The following IQSEC1 variants were observed in gnomAD, a reference collection of about 807,000 sequenced individuals.
IQSEC1 encodes IQ motif and SEC7 domain-containing protein 1.
Under a neutral mutation model 91.0 loss-of-function variants are expected in IQSEC1, and 31 were observed. The ratio of observed to expected loss-of-function variants is 0.34; its 90% CI spans 0.26 to 0.46. The LOEUF (loss-of-function observed/expected upper bound fraction) is 0.46. IQSEC1 is among the 20% of genes least tolerant of loss of function. The pLI is 1.00. For synonymous variants in IQSEC1, 699 were observed against 662.6 expected (o/e 1.05, Z -0.84); for missense variants, 1,388 against 1,575.6 (o/e 0.88, Z 2.02).
chr3:13,128,194 A>G (rs1418215594), intron 2 of IQSEC1, among the ~76,000 whole-genome samples: 1 of 152,204 alleles, frequency 6.6e-6, no homozygotes, highest in Admixed American at 6.5e-5. Context: ...AGAAGTTCCA[A>G]TGATATGTTG....
intron 1 of IQSEC1, among the ~76,000 whole-genome samples, chr3:13,187,917 T>C (rs1447634697): frequency 1.3e-5 from 2 of 152,204 alleles, no homozygotes; most frequent in Non-Finnish European, 2.9e-5. Context: ...CTAATCCTAC[T>C]GAGGTGGTCT....
chr3:13,080,120 C>T (rs895532592), intron 2 of IQSEC1, among the ~76,000 whole-genome samples: 8 of 152,102 alleles, frequency 5.3e-5, no homozygotes, highest in Non-Finnish European at 7.3e-5. Context: ...CTTCATTATG[C>T]GGGTAATGGC....
chr3:12,934,102 G>C (rs1004226176), intron 3 of IQSEC1, among the ~76,000 whole-genome samples: 2 of 152,184 alleles, frequency 1.3e-5, no homozygotes, highest in Non-Finnish European at 2.9e-5. Context: ...TGTCAGGTGG[G>C]CCAGCAGGAT....
At chr3:13,227,893 G>T (rs1694784470) in intron 1 of IQSEC1, among the ~76,000 whole-genome samples, 1 of 152,166 alleles carries the variant, frequency 6.6e-6, no homozygotes, top group Non-Finnish European at 1.5e-5. Context: ...CGGATGCCGA[G>T]GCCTGAGGCT....
chr3:13,111,211 C>G (rs1256540120), intron 2 of IQSEC1, among the ~76,000 whole-genome samples: 3 of 152,232 alleles, frequency 2.0e-5, no homozygotes, highest in Non-Finnish European at 2.9e-5. Context: ...CTCAGCCCAC[C>G]TCCCCAGTGT....
chr3:13,244,113 C>T (rs1695068754), intron 1 of IQSEC1, among the ~76,000 whole-genome samples: 1 of 152,244 alleles, frequency 6.6e-6, no homozygotes, highest in African/African-American at 2.4e-5. Context: ...CCGTCTGACT[C>T]CTGCAATGTC....
intron 1 of IQSEC1, among the ~76,000 whole-genome samples, chr3:13,245,691 C>G (rs893877206): frequency 3.3e-5 from 5 of 151,152 alleles, no homozygotes; most frequent in African/African-American, 1.2e-4. Context: ...CGCTTGAACC[C>G]AGGAGGTGGA....
At chr3:13,237,711 G>A (rs1267793470) in intron 1 of IQSEC1, among the ~76,000 whole-genome samples, 1 of 152,218 alleles carries the variant, frequency 6.6e-6, no homozygotes, top group Non-Finnish European at 1.5e-5. Context: ...TCAGCTCCGC[G>A]GTCGGTTTCC....
At chr3:13,245,205 C>T (rs1201691611) in intron 1 of IQSEC1, among the ~76,000 whole-genome samples, 1 of 152,166 alleles carries the variant, frequency 6.6e-6, no homozygotes, top group Non-Finnish European at 1.5e-5. Flanking sequence ...CTAGCGAAGC[C>T]ATGAAGCCAC....
At chr3:12,954,227 C>T (rs1020801860) in intron 1 of IQSEC1, among the ~76,000 whole-genome samples, 1 of 152,224 alleles carries the variant, frequency 6.6e-6, no homozygotes, top group African/African-American at 2.4e-5. Flanking sequence ...GTGAGACCCT[C>T]TCTCACTCAA....
chr3:12,975,455 C>T (rs1048237223), intron 1 of IQSEC1, among the ~76,000 whole-genome samples: 10 of 152,200 alleles, frequency 6.6e-5, no homozygotes, highest in African/African-American at 2.2e-4. Context: ...CAGAAGTGTC[C>T]ACACTTAATC....
At chr3:13,178,411 C>A (rs770185170) in intron 1 of IQSEC1, among the ~76,000 whole-genome samples, 22 of 152,236 alleles carry the variant, frequency 1.4e-4, no homozygotes, top group South Asian at 6.2e-4. Flanking sequence ...CAGCCCAGTG[C>A]CTTAGTGCCT....
Position 12,947,238 on chromosome 3 carries a change from C to T in IQSEC1, c.24-5373G>A, listed in dbSNP as rs150366229. Among the ~76,000 whole-genome samples, 725 of 152,330 alleles carry T rather than the reference C, an allele frequency of 4.8e-3. 6 individuals carry two copies. Among genetic ancestry groups the T allele is most frequent in the African/African-American group, 0.017 (694 of 41,558 alleles). ...TGCCAATACCCGACGTGATGAAGTACACTCTCATGTGGTTAGGGCTGCTTA... is the reference window on the plus strand; with the variant it reads ...TGCCAATACCCGACGTGATGAAGTATACTCTCATGTGGTTAGGGCTGCTTA... On this transcript the variant is annotated intron_variant, in intron 1 of 13. Transcript: ENST00000613206.
intron 2 of IQSEC1, among the ~76,000 whole-genome samples, chr3:13,130,341 C>CAAAAAAAAAAAAA (rs58162524): frequency 4.9e-5 from 3 of 61,842 alleles, no homozygotes; most frequent in Non-Finnish European, 8.1e-5. Context: ...GAGACTCTGT[C>CAAAAAAAAAAAAA]AAAAAAAAAA....
Position 13,040,849 on chromosome 3 carries a change from C to G in IQSEC1, c.23+32143G>C, listed in dbSNP as rs1196994632. ...ACCTCCTCCATGAAGCCCCCGCACC[C>G]AGCCCTGCTCCTCTTTCAAGACTCT... On this transcript the variant is annotated intron_variant, in intron 1 of 13. Coordinates refer to ENST00000613206, the MANE Select transcript of IQSEC1 (RefSeq NM_001134382.3). Among the ~76,000 whole-genome samples the G allele has an allele frequency of 2.6e-5, 4 of 152,368 alleles. No homozygotes were observed. The South Asian group carries it at 8.3e-4, about 32-fold the overall frequency.
At position 13,193,419 on chromosome 3, in the gene IQSEC1, GA is replaced by G. The variant is rs1458716426; in HGVS notation, c.273-29287del. Among the ~76,000 whole-genome samples, 3 of 152,228 alleles carry G rather than the reference GA, an allele frequency of 2.0e-5. No individual in the cohort carries two copies. The highest frequency in any genetic ancestry group is 4.4e-5 in the Non-Finnish European group (3 of 68,038). On this transcript the variant is annotated intron_variant, in intron 1 of 15. Coordinates refer to the IQSEC1 transcript ENST00000648114. This position sits in a 1 kb window ranked among gnomAD's most constrained non-coding sequence, Gnocchi z 4.2. ...GTAAAGATCAGAGGTGGCTTGGAAA[GA>G]GCTCTCTGGCTACAGAGTGGTGACC...
At chr3:12,921,453 T>A (rs113753416) in intron 5 of IQSEC1, among the ~76,000 whole-genome samples, 4,824 of 152,320 alleles carry the variant, frequency 0.032, 273 homozygotes, top group African/African-American at 0.11. Context: ...GCTTCTACAC[T>A]GCCAGTCTGC....
rs1418036040 is a variant in IQSEC1 at position 12,992,799 on chromosome 3, C to T, written c.24-50934G>A. 1.3e-5 allele frequency among the ~76,000 whole-genome samples: 2 copies of T among 152,346 alleles called. No homozygotes were observed. Among genetic ancestry groups the T allele is most frequent in the East Asian group, 1.9e-4 (1 of 5,188 alleles). ...CACTGTCACCTTTCTGCTCCCTTTG[C>T]TCCAGGAACAGATCAGCTGTGACAG... On this transcript the variant is annotated intron_variant, in intron 1 of 13. Transcript: ENST00000613206. This position sits in a 1 kb window ranked among gnomAD's most constrained non-coding sequence, Gnocchi z 4.1.
chr3:13,056,557 C>A (rs896915142), intron 1 of IQSEC1, among the ~76,000 whole-genome samples: 1 of 152,102 alleles, frequency 6.6e-6, no homozygotes, highest in Admixed American at 6.6e-5. Context: ...GTGGAGACCT[C>A]CCCAAGCCTC....
Sources: allele counts gnomAD v4.1 joint callset (sites outside exome capture counted in the v4.1 genomes callset), GRCh38; gene constraint gnomAD v4.1.1; non-coding constraint Gnocchi (gnomAD v3.1); transcripts MANE v1.5; gene names NCBI Gene and HGNC (gene_info 2026-07-23, HGNC 2026-07-21).